Variants in KLHL9 observed in about 807,000 individuals in gnomAD.
KLHL9 encodes kelch-like protein 9.
A neutral mutation model predicts 42.3 loss-of-function variants in KLHL9; 27 were observed. The observed-to-expected ratio is 0.64, with a 90% CI of 0.47 to 0.88. The LOEUF (loss-of-function observed/expected upper bound fraction) is 0.88, where lower values mean the gene tolerates loss of function less well. Ranked by LOEUF, KLHL9 falls within the 40% of genes least tolerant of loss-of-function variation. The pLI is 0.00. For missense variants in KLHL9, 629 were observed against 750.3 expected (o/e 0.84, Z 1.89); for synonymous variants, 274 against 254.4 (o/e 1.08, Z -0.73).
rs974036814 is a variant in KLHL9 at position 21,335,086 on chromosome 9, T to A, written c.-227A>T. The A allele has an allele frequency of 3.4e-6, 2 of 596,462 alleles. No individual in the cohort carries two copies. Among genetic ancestry groups the A allele is most frequent in the African/African-American group, 3.7e-5 (2 of 53,536 alleles). The allele number at this position is 596,462 out of a possible 1,614,324, so 36.9% of individuals were successfully genotyped here. On this transcript the variant is annotated 5_prime_UTR_variant, in exon 1 of 1. Coordinates refer to ENST00000359039, the MANE Select transcript of KLHL9 (RefSeq NM_018847.4). Reference sequence around the variant, plus strand: ...ACCTCAAATCTGATTATTAGACAGATGATTCATCACCTGAAGGCGGTTAAA... The same window carrying A: ...ACCTCAAATCTGATTATTAGACAGAAGATTCATCACCTGAAGGCGGTTAAA...
Position 21,334,301 on chromosome 9 carries a change from T to C in KLHL9, c.559A>G (p.Thr187Ala), listed in dbSNP as rs1344829454. 1.2e-6 allele frequency: 2 copies of C among 1,614,102 alleles called. No individual in the cohort carries two copies. The highest frequency in any genetic ancestry group is 1.7e-6 in the Non-Finnish European group (2 of 1,179,956). The change falls in exon 1 of 1, where the codon ACT becomes GCT. Residue 187 changes from threonine to alanine, a missense_variant. Coordinates refer to ENST00000359039, the MANE Select transcript of KLHL9 (RefSeq NM_018847.4). This position sits in a 1 kb window ranked among gnomAD's most constrained non-coding sequence, Gnocchi z 5.1. Reference sequence around the variant, plus strand: ...AAAGGGAGTTTTAGAAACTCCCCAGTACTCAATAAAGCAGGAAAGTTCTTC... The same window carrying C: ...AAAGGGAGTTTTAGAAACTCCCCAGCACTCAATAAAGCAGGAAAGTTCTTC... ...ILKNFPALLS[T>A]GEFLKLPFER...
chr9:21,332,835 T>A lies in KLHL9; in HGVS notation c.*171A>T. On this transcript the variant is annotated 3_prime_UTR_variant, in exon 1 of 1. Coordinates refer to ENST00000359039, the MANE Select transcript of KLHL9 (RefSeq NM_018847.4). Reference sequence around the variant, plus strand: ...TGTTAAAACAGCTATGTTAAATACATTTTCAGAATGCATTTGTTAGCCACT... The same window carrying A: ...TGTTAAAACAGCTATGTTAAATACAATTTCAGAATGCATTTGTTAGCCACT... The A allele has an allele frequency of 1.0e-6, 1 of 973,552 alleles. No individual in the cohort carries two copies. Among genetic ancestry groups the A allele is most frequent in the Non-Finnish European group, 1.4e-6 (1 of 689,680 alleles). The allele number at this position is 973,552 out of a possible 1,614,324, so 60.3% of individuals were successfully genotyped here. A position where few individuals can be genotyped will look rare whatever the true frequency, so the allele number is the denominator to read the frequency against.
Position 21,334,726 on chromosome 9 carries a change from A to G in KLHL9, c.134T>C (p.Ile45Thr), listed in dbSNP as rs1820236191. 1.3e-5 allele frequency: 21 copies of G among 1,613,458 alleles called. No homozygotes were observed. Among genetic ancestry groups the G allele is most frequent in the Non-Finnish European group, 1.7e-5 (20 of 1,179,558 alleles). ...GGTCACATCACAAAGCAATCCTTCT[A>G]TTCTAAGCTGATCAAAGCCTTGCAA... is the stretch of plus-strand genomic sequence containing the variant. ...VVLQGFDQLRIEGLLCDVTLV... is the reference protein window; with the variant it reads ...VVLQGFDQLRTEGLLCDVTLV... The change falls in exon 1 of 1, where the codon ATA (isoleucine) becomes ACA (threonine). Residue 45 changes from isoleucine (I) to threonine (T), a missense_variant. Physicochemically the swap from Ile to Thr is moderately conservative, Grantham distance 89 (BLOSUM62 -1). Transcript: ENST00000359039. The surrounding 1 kb of genome is among the most constrained non-coding windows in gnomAD (Gnocchi z 5.1).
chr9:21,335,352 C>T lies in KLHL9; in HGVS notation c.-493G>A. ...CCTGGGCTTGGGCCTAGAATACCGG[C>T]CTAGCCCCAACACCGAGCCGCTCCT... On this transcript the variant is annotated 5_prime_UTR_variant, in exon 1 of 1. Coordinates refer to ENST00000359039, the MANE Select transcript of KLHL9 (RefSeq NM_018847.4). The T allele has an allele frequency of 2.4e-6, 1 of 419,742 alleles. No individual in the cohort carries two copies. Among genetic ancestry groups the T allele is most frequent in the Non-Finnish European group, 4.4e-6 (1 of 229,594 alleles). 26.0% of individuals were successfully genotyped at this position (419,742 alleles called of 1,614,324 possible).
chr9:21,333,755 CTG>C lies in KLHL9; in HGVS notation c.1103_1104del (p.Thr368SerfsTer5), dbSNP rs767566812. The C allele has an allele frequency of 9.4e-5, 151 of 1,614,074 alleles. No individual in the cohort carries two copies. The highest frequency in any genetic ancestry group is 1.2e-4 in the Non-Finnish European group (140 of 1,180,040). On this transcript the variant is annotated frameshift_variant, in exon 1 of 1. Transcript: ENST00000359039. LOFTEE classifies it high-confidence loss of function. This position sits in a 1 kb window ranked among gnomAD's most constrained non-coding sequence, Gnocchi z 7.5. Reference sequence around the variant, plus strand: ...TTATACCGAGGATCAAATCTGAAAACTGTATCAACAGCAGTTTTTCCTTTTGT... The same window carrying C: ...TTATACCGAGGATCAAATCTGAAAACTATCAACAGCAGTTTTTCCTTTTGT... ...YDTKGKTAVD[T>X]VFRFDPRYNK... is the part of the protein sequence containing the mutation.
In KLHL9 at chr9:21,333,810, A is replaced by G. The variant is rs762591796; in HGVS notation, c.1050T>C (p.Tyr350=). ...HGIAVIGNFL[Y]VVGGQSNYDT... is the part of the protein sequence containing the mutation. ...CATAATTACTCTGACCACCAACTAC[A>G]TAAAGAAAGTTTCCAATGACAGCAA... The change falls in exon 1 of 1, where the codon TAT becomes TAC. Residue 350 remains tyrosine, a synonymous_variant. Transcript: ENST00000359039. The surrounding 1 kb of genome is among the most constrained non-coding windows in gnomAD (Gnocchi z 7.5). The G allele has an allele frequency of 5.6e-5, 90 of 1,613,930 alleles. No individual in the cohort carries two copies. The highest frequency in any genetic ancestry group is 4.3e-5 in the Non-Finnish European group (51 of 1,180,046).
In KLHL9 at chr9:21,333,769, G is replaced by GT; in HGVS notation, c.1090dup (p.Thr364AsnfsTer4). The GT allele has an allele frequency of 6.2e-7, 1 of 1,614,090 alleles. No homozygotes were observed. The highest frequency in any genetic ancestry group is 8.5e-7 in the Non-Finnish European group (1 of 1,180,022). On this transcript the variant is annotated frameshift_variant, in exon 1 of 1. Transcript: ENST00000359039. LOFTEE classifies it high-confidence loss of function. The surrounding 1 kb of genome is among the most constrained non-coding windows in gnomAD (Gnocchi z 7.5). ...AAATCTGAAAACTGTATCAACAGCA[G>GT]TTTTTCCTTTTGTATCATAATTACT...
Position 21,332,046 on chromosome 9 carries a change from A to G in KLHL9, c.*960T>C, listed in dbSNP as rs1820180730. 1 of 152,416 alleles carries G rather than the reference A, an allele frequency of 6.6e-6. No homozygotes were observed. Among genetic ancestry groups the G allele is most frequent in the Non-Finnish European group, 1.5e-5 (1 of 68,026 alleles). The allele number at this position is 152,416 out of a possible 1,614,324, so 9.4% of individuals were successfully genotyped here. On this transcript the variant is annotated 3_prime_UTR_variant, in exon 1 of 1. Coordinates refer to ENST00000359039, the MANE Select transcript of KLHL9 (RefSeq NM_018847.4). ...GTTTTACTGACCAAAAAGGTGGAAA[A>G]AAGAACCTAAATTTTCTGCACAAAA...
Position 21,334,120 on chromosome 9 carries a change from G to T in KLHL9, c.740C>A (p.Pro247Gln). 2 of 1,614,122 alleles carry T rather than the reference G, an allele frequency of 1.2e-6. No homozygotes were observed. The highest frequency in any genetic ancestry group is 1.7e-6 in the Non-Finnish European group (2 of 1,180,000). ...MKNIRFPLMTPQDLINYVQTV... is the reference protein window; with the variant it reads ...MKNIRFPLMTQQDLINYVQTV... The stretch of plus-strand genomic sequence containing the variant: ...CTGCACGTAATTGATGAGATCCTGT[G>T]GTGTCATCAGTGGAAATCGAATATT... Residue 247 changes from proline (P) to glutamine (Q), a missense_variant, in exon 1 of 1, where the codon CCA (proline) becomes CAA (glutamine). By Grantham distance (76) the Pro-to-Gln change is moderately conservative. Transcript: ENST00000359039. This position sits in a 1 kb window ranked among gnomAD's most constrained non-coding sequence, Gnocchi z 5.1.
Position 21,334,641 on chromosome 9 carries a change from A to G in KLHL9, c.219T>C (p.Ala73=). The G allele has an allele frequency of 6.2e-7, 1 of 1,614,238 alleles. No individual in the cohort carries two copies. Among genetic ancestry groups the G allele is most frequent in the South Asian group, 1.1e-5 (1 of 91,090 alleles). The change falls in exon 1 of 1, where the codon GCT becomes GCC. Residue 73 remains alanine (A), a synonymous_variant. Transcript: ENST00000359039. The surrounding 1 kb of genome is among the most constrained non-coding windows in gnomAD (Gnocchi z 5.1). ...FPVHRAMMAS[A]SDYFKAMFTG... ...TGAACATGGCTTTGAAATAATCACT[A>G]GCAGACGCCATCATAGCTCTGTGAA...
chr9:21,333,036 T>G lies in KLHL9; in HGVS notation c.1824A>C (p.Ser608=). 1 of 1,614,076 alleles carries G rather than the reference T, an allele frequency of 6.2e-7. No homozygotes were observed. Among genetic ancestry groups the G allele is most frequent in the African/African-American group, 1.3e-5 (1 of 74,992 alleles). ...EENPGSPSRE[S]PLSAPSDHS Reference sequence around the variant, plus strand: ...AATGATCTGAAGGTGCTGAAAGAGGTGATTCTCTAGAAGGTGACCCAGGGT... The same window carrying G: ...AATGATCTGAAGGTGCTGAAAGAGGGGATTCTCTAGAAGGTGACCCAGGGT... Residue 608 remains serine, a synonymous_variant, in exon 1 of 1, where the codon TCA becomes TCC. Transcript: ENST00000359039. The surrounding 1 kb of genome is among the most constrained non-coding windows in gnomAD (Gnocchi z 7.5).
In KLHL9 at chr9:21,333,926, C is replaced by G; in HGVS notation, c.934G>C (p.Val312Leu). 1 of 1,614,162 alleles carries G rather than the reference C, an allele frequency of 6.2e-7. No homozygotes were observed. Among genetic ancestry groups the G allele is most frequent in the Non-Finnish European group, 8.5e-7 (1 of 1,180,046 alleles). ...TACATCCGTAATTCTTTACTGACAA[C>G]CAGCTGCTGCCTCAAAACTCCTCCT... ...TLGGVLRQQL[V>L]VSKELRMYDE... The change falls in exon 1 of 1, where the codon GTT (valine) becomes CTT (leucine). Residue 312 changes from valine to leucine, a missense_variant. Physicochemically the swap from Val to Leu is conservative, Grantham distance 32. Around this residue, in one of 4 missense-constraint regions of KLHL9, gnomAD observed 214 missense variants for 305.8 expected, o/e 0.70. Coordinates refer to ENST00000359039, the MANE Select transcript of KLHL9 (RefSeq NM_018847.4). This position sits in a 1 kb window ranked among gnomAD's most constrained non-coding sequence, Gnocchi z 7.5.
Position 21,334,024 on chromosome 9 carries a change from A to G in KLHL9, c.836T>C (p.Met279Thr), listed in dbSNP as rs774272026. 1.2e-6 allele frequency: 2 copies of G among 1,614,090 alleles called. No homozygotes were observed. The highest frequency in any genetic ancestry group is 2.7e-5 in the African/African-American group (2 of 74,926). Residue 279 changes from methionine (M) to threonine (T), a missense_variant, in exon 1 of 1, where the codon ATG (methionine) becomes ACG (threonine). Physicochemically the swap from Met to Thr is moderately conservative, Grantham distance 81. This residue lies in a region of KLHL9 where 351 missense variants were observed against 363.1 expected (regional missense o/e 0.97). Coordinates refer to ENST00000359039, the MANE Select transcript of KLHL9 (RefSeq NM_018847.4). This position sits in a 1 kb window ranked among gnomAD's most constrained non-coding sequence, Gnocchi z 5.1. ...LLLEASNYQM[M>T]PYMQPVMQSD... Reference sequence around the variant, plus strand: ...CTGCATCACTGGCTGCATATATGGCATCATTTGGTAATTGCTAGCTTCCAA... The same window carrying G: ...CTGCATCACTGGCTGCATATATGGCGTCATTTGGTAATTGCTAGCTTCCAA...
chr9:21,332,935 G>C lies in KLHL9; in HGVS notation c.*71C>G. On this transcript the variant is annotated 3_prime_UTR_variant, in exon 1 of 1. Coordinates refer to ENST00000359039, the MANE Select transcript of KLHL9 (RefSeq NM_018847.4). ...ATATCTAATAACTGTACCAATCACT[G>C]TAAGAAGATACAACTGAAGGGGAAG... The C allele has an allele frequency of 6.2e-7, 1 of 1,606,318 alleles. No individual in the cohort carries two copies. Among genetic ancestry groups the C allele is most frequent in the Non-Finnish European group, 8.5e-7 (1 of 1,175,502 alleles).
In KLHL9 at chr9:21,334,425, A is replaced by G. The variant is rs1187167889; in HGVS notation, c.435T>C (p.Leu145=). 1.2e-6 allele frequency: 2 copies of G among 1,613,956 alleles called. No homozygotes were observed. The highest frequency in any genetic ancestry group is 2.7e-5 in the African/African-American group (2 of 74,940). ...AGTTATCCAAAGAGACTCCTGATAT[A>G]AGAAATACTTTACAGAAATCCAAAA... is the stretch of plus-strand genomic sequence containing the variant. The part of the protein sequence containing the change: ...LPVLDFCKVF[L]ISGVSLDNCV... The change falls in exon 1 of 1, where the codon CTT becomes CTC. Residue 145 remains leucine (L), a synonymous_variant. Transcript: ENST00000359039. This position sits in a 1 kb window ranked among gnomAD's most constrained non-coding sequence, Gnocchi z 5.1.
In KLHL9 at chr9:21,334,286, T is replaced by G. The variant is rs1306492658; in HGVS notation, c.574A>C (p.Lys192Gln). 1.2e-6 allele frequency: 2 copies of G among 1,614,056 alleles called. No homozygotes were observed. The highest frequency in any genetic ancestry group is 1.1e-5 in the South Asian group (1 of 91,086). The change falls in exon 1 of 1, where the codon AAA becomes CAA. Residue 192 changes from lysine (K) to glutamine (Q), a missense_variant. Around this residue, in one of 4 missense-constraint regions of KLHL9, gnomAD observed 351 missense variants for 363.1 expected, o/e 0.97. Coordinates refer to ENST00000359039, the MANE Select transcript of KLHL9 (RefSeq NM_018847.4). The surrounding 1 kb of genome is among the most constrained non-coding windows in gnomAD (Gnocchi z 5.1). Reference sequence around the variant, plus strand: ...AATGCAAGTCGTTCAAAAGGGAGTTTTAGAAACTCCCCAGTACTCAATAAA... The same window carrying G: ...AATGCAAGTCGTTCAAAAGGGAGTTGTAGAAACTCCCCAGTACTCAATAAA... The part of the protein sequence containing the change: ...PALLSTGEFL[K>Q]LPFERLAFVL...
In KLHL9 at chr9:21,334,308, T is replaced by C. The variant is rs769369377; in HGVS notation, c.552A>G (p.Leu184=). ...GTTTTAGAAACTCCCCAGTACTCAA[T>C]AAAGCAGGAAAGTTCTTCAGGATGA... ...NNFILKNFPA[L]LSTGEFLKLP... Residue 184 remains leucine, a synonymous_variant, in exon 1 of 1, where the codon TTA becomes TTG. Coordinates refer to ENST00000359039, the MANE Select transcript of KLHL9 (RefSeq NM_018847.4). This position sits in a 1 kb window ranked among gnomAD's most constrained non-coding sequence, Gnocchi z 5.1. The C allele has an allele frequency of 6.2e-7, 1 of 1,614,080 alleles. No individual in the cohort carries two copies. Among genetic ancestry groups the C allele is most frequent in the Admixed American group, 1.7e-5 (1 of 60,032 alleles).
Position 21,333,826 on chromosome 9 carries a change from A to G in KLHL9, c.1034T>C (p.Ile345Thr), listed in dbSNP as rs756973113. The change falls in exon 1 of 1, where the codon ATT becomes ACT. Residue 345 changes from isoleucine (I) to threonine (T), a missense_variant. By Grantham distance (89) the Ile-to-Thr change is moderately conservative. Coordinates refer to ENST00000359039, the MANE Select transcript of KLHL9 (RefSeq NM_018847.4). This position sits in a 1 kb window ranked among gnomAD's most constrained non-coding sequence, Gnocchi z 7.5. ...APRYQHGIAV[I>T]GNFLYVVGGQ... ...ACCAACTACATAAAGAAAGTTTCCAATGACAGCAATACCATGCTGGTAACG... is the reference window on the plus strand; with the variant it reads ...ACCAACTACATAAAGAAAGTTTCCAGTGACAGCAATACCATGCTGGTAACG... 1.9e-6 allele frequency: 3 copies of G among 1,613,978 alleles called. No individual in the cohort carries two copies. Among genetic ancestry groups the G allele is most frequent in the South Asian group, 1.1e-5 (1 of 91,086 alleles).
Position 21,333,458 on chromosome 9 carries a change from G to C in KLHL9, c.1402C>G (p.Pro468Ala). 1 of 1,614,088 alleles carries C rather than the reference G, an allele frequency of 6.2e-7. No individual in the cohort carries two copies. Among genetic ancestry groups the C allele is most frequent in the South Asian group, 1.1e-5 (1 of 91,080 alleles). ...TFQNELMCFDPDTDKWMQKAP... is the reference protein window; with the variant it reads ...TFQNELMCFDADTDKWMQKAP... ...TTTTGCATCCATTTATCTGTATCTG[G>C]GTCAAAACACATGAGCTCATTTTGG... is the stretch of plus-strand genomic sequence containing the variant. Residue 468 changes from proline to alanine, a missense_variant, in exon 1 of 1, where the codon CCA becomes GCA. Pro to Ala is a conservative substitution (Grantham distance 27, BLOSUM62 -1). Transcript: ENST00000359039. This position sits in a 1 kb window ranked among gnomAD's most constrained non-coding sequence, Gnocchi z 7.5.
Sources: allele counts gnomAD v4.1 joint callset, GRCh38; gene constraint gnomAD v4.1.1; regional missense constraint gnomAD v4.1.1; non-coding constraint Gnocchi (gnomAD v3.1); transcripts MANE v1.5; gene names NCBI Gene and HGNC (gene_info 2026-07-23, HGNC 2026-07-21).